Variants in FHOD3 observed in about 807,000 individuals in gnomAD.
The protein encoded by FHOD3 is FH1/FH2 domain-containing protein 3.
Under a neutral mutation model 173.0 loss-of-function variants are expected in FHOD3, and 90 were observed. The ratio of observed to expected loss-of-function variants is 0.52; its 90% CI spans 0.44 to 0.62. FHOD3 has a LOEUF of 0.62. Ranked by LOEUF, FHOD3 falls within the 20% of genes least tolerant of loss-of-function variation. The probability of loss-of-function intolerance (pLI) is 0.00; values close to 1 mark genes in which losing one functional copy is unlikely to be tolerated. For missense variants in FHOD3, 1,945 were observed against 2,034.7 expected, an observed-to-expected ratio of 0.96 and a Z score of 0.85; for synonymous variants, 828 against 823.0, an observed-to-expected ratio of 1.01 and a Z score of -0.10.
At chr18:36,512,585 G>T (rs778907962) in intron 5 of FHOD3, 42 bp downstream of exon 5, 10 of 1,402,194 alleles carry the variant, frequency 7.1e-6, no homozygotes, top group South Asian at 3.5e-5. Context: ...CCAGCTGCAG[G>T]GGGGATCTGG....
chr18:36,640,957 T>C (rs1388376082), intron 10 of FHOD3, among the ~76,000 whole-genome samples: 2 of 152,184 alleles, frequency 1.3e-5, no homozygotes, highest in Non-Finnish European at 2.9e-5. Context: ...AGATCAGAGT[T>C]CTTACTGGCA....
chr18:36,771,993 T>C (rs1261751209), intron 28 of FHOD3, among the ~76,000 whole-genome samples: 2 of 152,246 alleles, frequency 1.3e-5, no homozygotes, highest in Admixed American at 6.5e-5. Context: ...CTTAGACTCA[T>C]AATGTCACTG....
chr18:36,319,844 C>G (rs868079404), intron 1 of FHOD3, among the ~76,000 whole-genome samples: 4 of 152,276 alleles, frequency 2.6e-5, no homozygotes, highest in African/African-American at 4.8e-5. Context: ...CACTCAAACC[C>G]ACACAACTAC....
At chr18:36,304,905 T>C (rs2092051526) in intron 1 of FHOD3, among the ~76,000 whole-genome samples, 2 of 152,218 alleles carry the variant, frequency 1.3e-5, no homozygotes, top group Admixed American at 1.3e-4. Flanking sequence ...ATAGCCACAC[T>C]GGGGTGTTGT....
At chr18:36,466,753 G>C (rs1322877485) in intron 3 of FHOD3, among the ~76,000 whole-genome samples, 1 of 152,176 alleles carries the variant, frequency 6.6e-6, no homozygotes, top group Admixed American at 6.5e-5. Flanking sequence ...AGGTCTGTGT[G>C]CTGGCAGGTC....
intron 3 of FHOD3, among the ~76,000 whole-genome samples, chr18:36,500,831 A>T (rs2054994207): frequency 6.6e-6 from 1 of 152,174 alleles, no homozygotes; most frequent in African/African-American, 2.4e-5. Context: ...GCGTTGGGTG[A>T]TTCTATTGGA....
At chr18:36,513,324 G>A (rs1163833365) in intron 5 of FHOD3, among the ~76,000 whole-genome samples, 1 of 152,104 alleles carries the variant, frequency 6.6e-6, no homozygotes, top group African/African-American at 2.4e-5. Flanking sequence ...ACATTTTCCA[G>A]TTGAAGAAAA....
chr18:36,414,966 A>T (rs1020534386), intron 3 of FHOD3, among the ~76,000 whole-genome samples: 5 of 152,150 alleles, frequency 3.3e-5, no homozygotes, highest in Non-Finnish European at 7.4e-5. Flanking sequence ...TGGGCAAGAC[A>T]TGGACACCTC....
chr18:36,419,997 C>A (rs1319424760), intron 3 of FHOD3, among the ~76,000 whole-genome samples: 2 of 152,226 alleles, frequency 1.3e-5, no homozygotes, highest in Non-Finnish European at 2.9e-5. Context: ...CCGGAGGCAT[C>A]TGATGCCTCC....
At position 36,297,845 on chromosome 18, in the gene FHOD3, C is replaced by T. The variant is rs1349373624; in HGVS notation, c.10C>T (p.Leu4=). Residue 4 remains leucine, a synonymous_variant, in exon 1 of 29, where the codon CTG becomes TTG. Coordinates refer to ENST00000590592, the MANE Select transcript of FHOD3 (RefSeq NM_001281740.3). The part of the protein sequence containing the change: MAT[L]ACRVQFLDDT... ...GCGGCAGGGATGCATCATGGCCACG[C>T]TGGCTTGCCGGGTGCAGTTCTTGGA... 4 of 1,528,060 alleles carry T rather than the reference C, an allele frequency of 2.6e-6. No individual in the cohort carries two copies. In the Admixed American group the frequency reaches 8.2e-5, roughly 31 times the overall value. The allele number at this position is 1,528,060 out of a possible 1,614,324, so 94.7% of individuals were successfully genotyped here.
In FHOD3 at chr18:36,779,458, C is replaced by T. The variant is rs1411850865; in HGVS notation, c.4797C>T (p.Thr1599=). The change falls in exon 29 of 29, where the codon ACC becomes ACT. Residue 1599 remains threonine (T), a synonymous_variant. Transcript: ENST00000590592. ...GCACCACCACTGCAGTGCGAAGAAC[C>T]CTGAAGAGCGGCCTGACCCCAGAAG... ...SRANRKSLRR[T]LKSGLTPEEA... 1.2e-6 allele frequency: 2 copies of T among 1,614,066 alleles called. No homozygotes were observed. Among genetic ancestry groups the T allele is most frequent in the African/African-American group, 2.7e-5 (2 of 74,934 alleles).
intron 6 of FHOD3, among the ~76,000 whole-genome samples, chr18:36,577,272 C>T (rs183648131): frequency 1.5e-4 from 23 of 152,104 alleles, no homozygotes; most frequent in Middle Eastern, 6.8e-3. Context: ...ATGTTTATTA[C>T]GGATTTGCCA....
At chr18:36,757,653 G>A (rs370934580) in intron 25 of FHOD3, among the ~76,000 whole-genome samples, 1 of 152,054 alleles carries the variant, frequency 6.6e-6, no homozygotes, top group East Asian at 1.9e-4. Context: ...AGAGATGAGA[G>A]GTCTGAGGGT....
chr18:36,675,859 T>C (rs2037823462), intron 14 of FHOD3, among the ~76,000 whole-genome samples: 1 of 152,220 alleles, frequency 6.6e-6, no homozygotes, highest in Non-Finnish European at 1.5e-5. Context: ...AGACATTATT[T>C]GGCTCCTAAA....
chr18:36,445,124 G>A (rs992222817), intron 3 of FHOD3, among the ~76,000 whole-genome samples: 1 of 152,178 alleles, frequency 6.6e-6, no homozygotes, highest in Non-Finnish European at 1.5e-5. Context: ...GATGGGCATG[G>A]GTGGCTCTGT....
intron 1 of FHOD3, 42 bp downstream of exon 1, chr18:36,298,042 C>G (rs2144256306): frequency 7.0e-7 from 1 of 1,423,918 alleles, no homozygotes; most frequent in African/African-American, 1.5e-5. Context: ...GGACTCAGCC[C>G]CCTGCCGCGG....
chr18:36,374,593 C>T (rs75676015), intron 3 of FHOD3, among the ~76,000 whole-genome samples: 4,340 of 152,248 alleles, frequency 0.029, 101 homozygotes, highest in Non-Finnish European at 0.045. Context: ...CTATAAAAGG[C>T]GAGGGGGAAT....
chr18:36,526,937 C>T (rs1328016676), intron 5 of FHOD3, among the ~76,000 whole-genome samples: 4 of 152,180 alleles, frequency 2.6e-5, no homozygotes, highest in Non-Finnish European at 4.4e-5. Context: ...GAAGTCCTCA[C>T]GTGAAAGGTG....
intron 25 of FHOD3, among the ~76,000 whole-genome samples, chr18:36,758,038 C>T (rs531138954): frequency 9.9e-5 from 15 of 152,238 alleles, no homozygotes; most frequent in Non-Finnish European, 1.5e-4. Flanking sequence ...GGATGTTGAG[C>T]GGGCCAATAT....
Sources: gnomAD v4.1 joint callset for allele counts (sites outside exome capture counted in the v4.1 genomes callset) on GRCh38, gnomAD v4.1.1 for gene constraint, MANE v1.5 for transcripts, NCBI Gene and HGNC (gene_info 2026-07-23, HGNC 2026-07-21) for gene names.